The following NOS1AP variants were observed in gnomAD, a reference collection of about 807,000 sequenced individuals.
The protein encoded by NOS1AP is nitric oxide synthase 1 adaptor protein, also known as carboxyl-terminal PDZ ligand of neuronal nitric oxide synthase protein.
NOS1AP carries 21 observed loss-of-function variants against 56.2 expected under a neutral mutation model. The observed-to-expected ratio is 0.37, with a 90% CI of 0.26 to 0.54. NOS1AP has a LOEUF of 0.54. Among genes scored for constraint, NOS1AP ranks in the 20% least tolerant of loss-of-function variants. The pLI, the probability that NOS1AP is intolerant of heterozygous loss-of-function variation, is 0.84. For missense variants in NOS1AP, 522 were observed against 657.8 expected, an observed-to-expected ratio of 0.79 and a Z score of 2.26; for synonymous variants, 270 against 274.6, an observed-to-expected ratio of 0.98 and a Z score of 0.17.
intron 2 of NOS1AP, among the ~76,000 whole-genome samples, chr1:162,234,882 G>T (rs1314359228): frequency 6.6e-6 from 1 of 152,150 alleles, no homozygotes; most frequent in African/African-American, 2.4e-5. Context: ...TGCTTCTGGA[G>T]TTCTGCAAAC....
chr1:162,362,895 A>T, intron 8 of NOS1AP: 4 of 945,844 alleles, frequency 4.2e-6, no homozygotes, highest in Non-Finnish European at 5.0e-6. Context: ...CATCCAGATT[A>T]CAATATTATT....
intron 2 of NOS1AP, among the ~76,000 whole-genome samples, chr1:162,269,645 A>G (rs1328598522): frequency 6.6e-6 from 1 of 152,234 alleles, no homozygotes; most frequent in African/African-American, 2.4e-5. Context: ...TTAAAATGAC[A>G]TATTGTTATG....
intron 2 of NOS1AP, among the ~76,000 whole-genome samples, chr1:162,234,773 C>T (rs1252934527): frequency 6.6e-6 from 1 of 152,182 alleles, no homozygotes; most frequent in Non-Finnish European, 1.5e-5. Flanking sequence ...TGTTGCAGGA[C>T]CACAGCTCCA....
At chr1:162,364,911 A>T in intron 8 of NOS1AP, 2 of 1,005,046 alleles carry the variant, frequency 2.0e-6, no homozygotes, top group Non-Finnish European at 2.4e-6. Context: ...CTTCGTTGTG[A>T]CACTGTTCTT....
At chr1:162,163,687 G>A (rs993613036) in intron 2 of NOS1AP, among the ~76,000 whole-genome samples, 28 of 152,052 alleles carry the variant, frequency 1.8e-4, no homozygotes, top group Non-Finnish European at 4.4e-5. Flanking sequence ...ATTCCTGGGG[G>A]GCAGGAATGG....
At chr1:162,237,785 T>C (rs551039320) in intron 2 of NOS1AP, among the ~76,000 whole-genome samples, 2 of 152,352 alleles carry the variant, frequency 1.3e-5, no homozygotes, top group Non-Finnish European at 2.9e-5. Flanking sequence ...GTGTTAGCTA[T>C]GTACTTTGAA....
At chr1:162,154,548 C>T in intron 2 of NOS1AP, 72 bp downstream of exon 2, 1 of 1,435,144 alleles carries the variant, frequency 7.0e-7, no homozygotes, top group Non-Finnish European at 9.8e-7. Context: ...CTAGGTAGGG[C>T]TGGAGGGGCC....
chr1:162,075,671 G>A (rs1443467444), intron 1 of NOS1AP, among the ~76,000 whole-genome samples: 2 of 152,170 alleles, frequency 1.3e-5, no homozygotes, highest in East Asian at 1.9e-4. Flanking sequence ...TTCAGATTAA[G>A]GGTCTGATGT....
At chr1:162,123,575 A>G (rs1648341196) in intron 1 of NOS1AP, among the ~76,000 whole-genome samples, 2 of 152,222 alleles carry the variant, frequency 1.3e-5, no homozygotes, top group Admixed American at 6.5e-5. Flanking sequence ...CATATGTAAA[A>G]ATATATATTT....
chr1:162,318,710 C>A (rs1484595775), intron 4 of NOS1AP, among the ~76,000 whole-genome samples: 1 of 152,030 alleles, frequency 6.6e-6, no homozygotes, highest in Non-Finnish European at 1.5e-5. Context: ...CCCTCTAAAT[C>A]CCAGTCTATG....
At chr1:162,264,516 CTTT>C (rs1320071045) in intron 2 of NOS1AP, among the ~76,000 whole-genome samples, 1 of 131,014 alleles carries the variant, frequency 7.6e-6, no homozygotes, top group East Asian at 2.3e-4. Context: ...CTCTTCTTTT[CTTT>C]TTTTTTGAGA....
intron 1 of NOS1AP, among the ~76,000 whole-genome samples, chr1:162,135,636 C>T (rs898913642): frequency 1.1e-4 from 17 of 152,192 alleles, no homozygotes; most frequent in African/African-American, 3.6e-4. Context: ...TACAATTACT[C>T]TCACCATCTG....
chr1:162,186,746 G>A (rs753512692), intron 2 of NOS1AP, among the ~76,000 whole-genome samples: 4 of 152,176 alleles, frequency 2.6e-5, no homozygotes, highest in Non-Finnish European at 4.4e-5. Context: ...TCTGTTTGTT[G>A]ACACCTTGAT....
At chr1:162,090,091 A>G (rs548273494) in intron 1 of NOS1AP, among the ~76,000 whole-genome samples, 8 of 152,094 alleles carry the variant, frequency 5.3e-5, no homozygotes, top group Non-Finnish European at 8.8e-5. Context: ...AGTCACTTTG[A>G]TTATCCAAAG....
chr1:162,321,960 G>A (rs890572068), intron 4 of NOS1AP, among the ~76,000 whole-genome samples: 11 of 152,178 alleles, frequency 7.2e-5, no homozygotes, highest in South Asian at 6.2e-4. Flanking sequence ...TTGGTGCTGC[G>A]TGCACTGTTT....
intron 1 of NOS1AP, among the ~76,000 whole-genome samples, chr1:162,144,474 C>T (rs550748590): frequency 1.3e-4 from 20 of 152,326 alleles, no homozygotes; most frequent in Admixed American, 3.3e-4. Context: ...TCTTTGTTCA[C>T]CTATCCATTC....
At chr1:162,166,633 A>G (rs1283707438) in intron 2 of NOS1AP, among the ~76,000 whole-genome samples, 1 of 152,182 alleles carries the variant, frequency 6.6e-6, no homozygotes, top group Non-Finnish European at 1.5e-5. Flanking sequence ...CATGCATCAC[A>G]GTGTATTTGT....
intron 5 of NOS1AP, among the ~76,000 whole-genome samples, chr1:162,340,369 C>G (rs904737060): frequency 6.6e-6 from 1 of 152,196 alleles, no homozygotes; most frequent in Non-Finnish European, 1.5e-5. Context: ...TTTTCCTGTG[C>G]TGCTATGGTG....
chr1:162,191,367 G>C (rs1302519832), intron 2 of NOS1AP, among the ~76,000 whole-genome samples: 1 of 152,130 alleles, frequency 6.6e-6, no homozygotes, highest in Non-Finnish European at 1.5e-5. Context: ...TCCTGGGGGG[G>C]ATCTTCCCTG....
Sources: allele counts gnomAD v4.1 joint callset (sites outside exome capture counted in the v4.1 genomes callset), GRCh38; gene constraint gnomAD v4.1.1; transcripts MANE v1.5; gene names NCBI Gene and HGNC (gene_info 2026-07-23, HGNC 2026-07-21).